BCLAF3: variants seen among roughly 807,000 people sequenced by gnomAD.
BCLAF3 encodes the protein BCLAF1 and THRAP3 family member 3.
In BCLAF3, 24 loss-of-function variants were observed where a neutral mutation model predicts 51.2. The ratio of observed to expected loss-of-function variants is 0.47; its 90% confidence interval spans 0.34 to 0.66. BCLAF3 has a LOEUF of 0.66. Among genes scored for constraint, BCLAF3 ranks in the 30% least tolerant of loss-of-function variants. The probability of loss-of-function intolerance (pLI) is 0.01; values close to 1 mark genes in which losing one functional copy is unlikely to be tolerated. For missense variants in BCLAF3, 465 were observed against 525.1 expected (o/e 0.89, Z 1.12); for synonymous variants, 152 against 176.6 (o/e 0.86, Z 1.10).
At chrX:19,990,868 G>T (rs2072910599) in intron 1 of BCLAF3, among the ~76,000 whole-genome samples, 40 bp downstream of exon 1, 1 of 108,266 alleles carries the variant, frequency 9.2e-6, no homozygotes, top group Non-Finnish European at 1.9e-5. Flanking sequence ...CTCCCTGCGG[G>T]CCCAGGCCTC....
rs372696467 is a variant in BCLAF3 at position 19,914,548 on chromosome X, A to G, written c.*2757T>C. ...CAAAAATGTAGGATTTATTAGGTAAAATGTGGTACATAGTATACATCTACA... is the reference window on the plus strand; with the variant it reads ...CAAAAATGTAGGATTTATTAGGTAAGATGTGGTACATAGTATACATCTACA... On this transcript the variant is annotated 3_prime_UTR_variant, in exon 12 of 12. Transcript: ENST00000379682. 9.0e-6 allele frequency: 1 copy of G among 111,057 alleles called. No homozygotes were observed. Among genetic ancestry groups the G allele is most frequent in the East Asian group, 2.8e-4 (1 of 3,569 alleles). 9.2% of individuals were successfully genotyped at this position (111,057 alleles called of 1,213,427 possible).
At chrX:19,960,538 CAT>C (rs1420806103) in intron 4 of BCLAF3, among the ~76,000 whole-genome samples, 10 of 112,050 alleles carry the variant, frequency 8.9e-5, no homozygotes, top group African/African-American at 3.2e-4. Flanking sequence ...TTTTAAAATG[CAT>C]ATGAGAAATT....
chrX:19,963,502 A>G (rs2071935649), intron 4 of BCLAF3, among the ~76,000 whole-genome samples: 1 of 112,160 alleles, frequency 8.9e-6, no homozygotes, highest in Non-Finnish European at 1.9e-5. Flanking sequence ...GTAAATATAC[A>G]TAGAAAAATA....
At position 19,929,871 on chromosome X, in the gene BCLAF3, G is replaced by A; in HGVS notation, c.2020C>T (p.Gln674Ter). Residue 674 changes from glutamine (Q) to a stop codon, truncating the protein, a stop_gained, in exon 11 of 12, where the codon CAG (glutamine) becomes TAG (stop). Transcript: ENST00000379682. LOFTEE classifies it high-confidence loss of function. Reference protein sequence around the residue: ...SGLVQKSLYIQAKYQRLRFTG... With the variant: ...SGLVQKSLYI ...AACCGTAAACGCTGATACTTAGCCT[G>A]AATGTACAAGCTCTTCTGTACCAGG... 8.3e-7 allele frequency: 1 copy of A among 1,210,329 alleles called. No homozygotes were observed. Among genetic ancestry groups the A allele is most frequent in the Non-Finnish European group, 1.1e-6 (1 of 894,476 alleles).
Position 19,990,961 on chromosome X carries a change from GCC to G in BCLAF3, c.-90_-89del, listed in dbSNP as rs2072912771. ...CGCCGCCGCCGCCGCCGCCGCCGCC[GCC>G]GCCGCCGCCGGCCCCTCGGGCCTCG... On this transcript the variant is annotated 5_prime_UTR_variant, in exon 1 of 12. Coordinates refer to ENST00000379682, the MANE Select transcript of BCLAF3 (RefSeq NM_001367774.2). Among the ~76,000 whole-genome samples, 1 of 96,185 alleles carries G rather than the reference GCC, an allele frequency of 1.0e-5. No individual in the cohort carries two copies. The highest frequency in any genetic ancestry group is 2.1e-5 in the Non-Finnish European group (1 of 48,222). 83.5% of individuals were successfully genotyped at this position (96,185 alleles called of 115,157 possible). A position where few individuals can be genotyped will look rare whatever the true frequency, so the allele number is the denominator to read the frequency against.
intron 10 of BCLAF3, among the ~76,000 whole-genome samples, chrX:19,931,366 C>T (rs2070546884): frequency 9.0e-6 from 1 of 111,645 alleles, no homozygotes; most frequent in Non-Finnish European, 1.9e-5. Context: ...CTAGAATAAT[C>T]TAAAACAGAT....
chrX:19,968,041 G>A (rs150695321), intron 2 of BCLAF3, among the ~76,000 whole-genome samples: 7 of 112,479 alleles, frequency 6.2e-5, no homozygotes, highest in Non-Finnish European at 1.1e-4. Flanking sequence ...GAGAAAAGCT[G>A]GCAGCCAGAG....
At chrX:19,954,445 G>A (rs960058952) in intron 5 of BCLAF3, among the ~76,000 whole-genome samples, 53 of 111,879 alleles carry the variant, frequency 4.7e-4, no homozygotes, top group African/African-American at 1.7e-3. Context: ...AATACACTTG[G>A]TCCATCAGAA....
At chrX:19,990,803 C>T (rs1303416610) in intron 1 of BCLAF3, among the ~76,000 whole-genome samples, 105 bp downstream of exon 1, 1 of 111,522 alleles carries the variant, frequency 9.0e-6, no homozygotes, top group African/African-American at 3.2e-5. Flanking sequence ...CCGCATCCTC[C>T]CCGCTGCCCC....
At chrX:19,925,491 A>T (rs1471208369) in intron 11 of BCLAF3, among the ~76,000 whole-genome samples, 2 of 111,542 alleles carry the variant, frequency 1.8e-5, no homozygotes, top group African/African-American at 3.3e-5. Flanking sequence ...TGCATCCTTA[A>T]TGAGTCTAGG....
intron 11 of BCLAF3, chrX:19,928,944 A>C (rs1189708214): frequency 8.9e-6 from 1 of 111,898 alleles, no homozygotes; most frequent in Non-Finnish European, 1.9e-5. Flanking sequence ...AAGTTGGTCA[A>C]AGCATCAACA....
At chrX:19,939,458 T>C (rs1407043599) in intron 8 of BCLAF3, among the ~76,000 whole-genome samples, 1 of 111,815 alleles carries the variant, frequency 8.9e-6, no homozygotes, top group Non-Finnish European at 1.9e-5. Context: ...GGGCAAAGGA[T>C]TTGAATAGAA....
At chrX:19,919,633 G>C (rs920237869) in intron 11 of BCLAF3, among the ~76,000 whole-genome samples, 24 of 110,562 alleles carry the variant, frequency 2.2e-4, no homozygotes, top group Non-Finnish European at 7.6e-5. Flanking sequence ...GAGGTGGGCG[G>C]ATCACTTGAG....
At chrX:19,981,070 G>C (rs1037140678) in intron 1 of BCLAF3, among the ~76,000 whole-genome samples, 1 of 111,413 alleles carries the variant, frequency 9.0e-6, no homozygotes. Flanking sequence ...ACAATAGGTG[G>C]GTTTAAGGGA....
intron 4 of BCLAF3, among the ~76,000 whole-genome samples, chrX:19,957,550 T>C (rs1004588359): frequency 8.9e-6 from 1 of 112,053 alleles, no homozygotes; most frequent in Non-Finnish European, 1.9e-5. Context: ...GATAAAGATG[T>C]TCAGTTTTCC....
chrX:19,914,796 T>G lies in BCLAF3; in HGVS notation c.*2509A>C. Reference sequence around the variant, plus strand: ...CCAGTTTCCCCCAATGCATCAATTTTTAAAACCAGTAAAACCACCAACAGA... The same window carrying G: ...CCAGTTTCCCCCAATGCATCAATTTGTAAAACCAGTAAAACCACCAACAGA... On this transcript the variant is annotated 3_prime_UTR_variant, in exon 12 of 12. Coordinates refer to ENST00000379682, the MANE Select transcript of BCLAF3 (RefSeq NM_001367774.2). 1 of 111,946 alleles carries G rather than the reference T, an allele frequency of 8.9e-6. No homozygotes were observed. Among genetic ancestry groups the G allele is most frequent in the East Asian group, 2.8e-4 (1 of 3,571 alleles). 9.2% of individuals were successfully genotyped at this position (111,946 alleles called of 1,213,427 possible).
chrX:19,914,470 T>C lies in BCLAF3; in HGVS notation c.*2835A>G. The C allele has an allele frequency of 9.2e-6, 1 of 108,568 alleles. No homozygotes were observed. Among genetic ancestry groups the C allele is most frequent in the Middle Eastern group, 4.7e-3 (1 of 215 alleles). The allele number at this position is 108,568 out of a possible 1,213,427, so 8.9% of individuals were successfully genotyped here. On this transcript the variant is annotated 3_prime_UTR_variant, in exon 12 of 12. Transcript: ENST00000379682. ...AAGAGTTTCTCATCCAGCTTTACTT[T>C]TCTTGCTTCTGCCTGGAAGTATCCC...
chrX:19,984,857 G>A (rs2072745113), intron 1 of BCLAF3, among the ~76,000 whole-genome samples: 2 of 110,648 alleles, frequency 1.8e-5, no homozygotes, highest in Non-Finnish European at 3.8e-5. Context: ...GGCTAATTTT[G>A]TATTTTTTTA....
chrX:19,918,524 C>T (rs756038007), intron 11 of BCLAF3, among the ~76,000 whole-genome samples: 3 of 104,988 alleles, frequency 2.9e-5, no homozygotes, highest in African/African-American at 1.1e-4. Flanking sequence ...AAAAGCCCCC[C>T]CAACCCGGCC....
Sources: gnomAD v4.1 joint callset for allele counts (sites outside exome capture counted in the v4.1 genomes callset) on GRCh38, gnomAD v4.1.1 for gene constraint, MANE v1.5 for transcripts, NCBI Gene and HGNC (gene_info 2026-07-23, HGNC 2026-07-21) for gene names.